MAP2K5: variants seen among roughly 807,000 people sequenced by gnomAD.
MAP2K5 encodes the protein mitogen-activated protein kinase kinase 5, also known as dual specificity mitogen-activated protein kinase kinase 5.
In MAP2K5, 49 loss-of-function variants were observed where a neutral mutation model predicts 83.1. The ratio of observed to expected loss-of-function variants is 0.59; its 90% CI spans 0.47 to 0.75. The LOEUF (loss-of-function observed/expected upper bound fraction) is 0.75. Among genes scored for constraint, MAP2K5 ranks in the 30% least tolerant of loss-of-function variants. The pLI, the probability that MAP2K5 is intolerant of heterozygous loss-of-function variation, is 0.00. For synonymous variants in MAP2K5, 202 were observed against 191.8 expected, an observed-to-expected ratio of 1.05 and a Z score of -0.44; for missense variants, 457 against 557.5, an observed-to-expected ratio of 0.82 and a Z score of 1.82.
rs2141213885 is a variant in MAP2K5, at chr15:67,702,002, G to A, written c.973-1335G>A. ...TGAACAAGTCACTTACTAAGCCTCA[G>A]TTTTTACATTTGTAAACTGAGGGCA... is the stretch of plus-strand genomic sequence containing the variant. On this transcript the variant is annotated intron_variant, in intron 15 of 21. Transcript: ENST00000178640. The surrounding 1 kb of genome is among the most constrained non-coding windows in gnomAD (Gnocchi z 4.6). Among the ~76,000 whole-genome samples, 1 of 152,302 alleles carries A rather than the reference G, an allele frequency of 6.6e-6. No individual in the cohort carries two copies. The highest frequency in any genetic ancestry group is 1.9e-4 in the East Asian group (1 of 5,182).
intron 17 of MAP2K5, among the ~76,000 whole-genome samples, chr15:67,735,237 A>G (rs2089313128): frequency 1.3e-5 from 2 of 152,238 alleles, no homozygotes; most frequent in African/African-American, 4.8e-5. Context: ...TGTCCTTAAA[A>G]TAGAGCAGAA....
chr15:67,544,497 A>G (rs2084354429), intron 1 of MAP2K5, among the ~76,000 whole-genome samples: 1 of 152,198 alleles, frequency 6.6e-6, no homozygotes, highest in Admixed American at 6.5e-5. Flanking sequence ...CAAAGCTGTG[A>G]GCTCCTGAGT....
At chr15:67,792,091 A>C (rs2090528352) in intron 21 of MAP2K5, among the ~76,000 whole-genome samples, 1 of 152,176 alleles carries the variant, frequency 6.6e-6, no homozygotes, top group Admixed American at 6.5e-5. Context: ...CAATGTGGAC[A>C]GTATTGCTTA....
intron 19 of MAP2K5, among the ~76,000 whole-genome samples, chr15:67,753,670 T>TA (rs148037370): frequency 0.021 from 3,094 of 147,710 alleles, 51 homozygotes; most frequent in African/African-American, 0.047. Flanking sequence ...TGGCTGTAAT[T>TA]AAAAAAAAAA....
chr15:67,762,614 A>G (rs2089971104), intron 19 of MAP2K5, among the ~76,000 whole-genome samples: 1 of 151,782 alleles, frequency 6.6e-6, no homozygotes, highest in Admixed American at 6.6e-5. Context: ...CCATTTTGAC[A>G]TTAATGACAA....
At chr15:67,718,616 TAGCC>T (rs1228321316) in intron 16 of MAP2K5, among the ~76,000 whole-genome samples, 2 of 152,004 alleles carry the variant, frequency 1.3e-5, no homozygotes. Context: ...ATACAAAAAT[TAGCC>T]AGGCGTGGTG....
At position 67,780,701 on chromosome 15, in the gene MAP2K5, T is replaced by A. The variant is rs2090314996; in HGVS notation, c.1242+7949T>A. ...TCCTGCTAGGAGAGGTCATCTAGGT[T>A]AGAAAATTTGGTGCCAAAATAATAA... is the stretch of plus-strand genomic sequence containing the variant. On this transcript the variant is annotated intron_variant, in intron 21 of 21. Coordinates refer to ENST00000178640, the MANE Select transcript of MAP2K5 (RefSeq NM_145160.3). The surrounding 1 kb of genome is among the most constrained non-coding windows in gnomAD (Gnocchi z 5.0). Among the ~76,000 whole-genome samples, 1 of 152,224 alleles carries A rather than the reference T, an allele frequency of 6.6e-6. No individual in the cohort carries two copies. The highest frequency in any genetic ancestry group is 2.4e-5 in the African/African-American group (1 of 41,458).
chr15:67,591,866 C>T (rs1386638219), intron 6 of MAP2K5, among the ~76,000 whole-genome samples: 1 of 151,740 alleles, frequency 6.6e-6, no homozygotes, highest in East Asian at 2.0e-4. Flanking sequence ...AATCCCAGCA[C>T]TTTGGGAGGC....
At chr15:67,648,869 G>A (rs2086894470) in intron 11 of MAP2K5, among the ~76,000 whole-genome samples, 1 of 152,142 alleles carries the variant, frequency 6.6e-6, no homozygotes. Flanking sequence ...GTGAGCCACT[G>A]CACCCGGTCA....
intron 13 of MAP2K5, among the ~76,000 whole-genome samples, chr15:67,679,134 C>T (rs1043768230): frequency 3.3e-5 from 5 of 152,154 alleles, no homozygotes; most frequent in African/African-American, 1.2e-4. Flanking sequence ...CCACCCTGAC[C>T]CCTGATTGTG....
chr15:67,751,253 G>A (rs2089712322), intron 19 of MAP2K5, among the ~76,000 whole-genome samples: 1 of 152,122 alleles, frequency 6.6e-6, no homozygotes, highest in South Asian at 2.1e-4. Context: ...CAGGACCTGG[G>A]AGGGTGGCCA....
intron 20 of MAP2K5, among the ~76,000 whole-genome samples, chr15:67,772,172 C>T (rs565659158): frequency 6.6e-6 from 1 of 152,218 alleles, no homozygotes; most frequent in Non-Finnish European, 1.5e-5. Context: ...TATAGCAACA[C>T]ACTTCTAATT....
chr15:67,694,644 C>A (rs1296377774), intron 15 of MAP2K5, among the ~76,000 whole-genome samples: 1 of 152,082 alleles, frequency 6.6e-6, no homozygotes, highest in Non-Finnish European at 1.5e-5. Flanking sequence ...AATAGGAACA[C>A]TTTTACACTG....
intron 13 of MAP2K5, among the ~76,000 whole-genome samples, chr15:67,673,853 T>C (rs2141171540): frequency 6.6e-6 from 1 of 152,168 alleles, no homozygotes; most frequent in East Asian, 1.9e-4. Flanking sequence ...TTTTGTTTGT[T>C]TGTTTATTTT....
intron 9 of MAP2K5, among the ~76,000 whole-genome samples, chr15:67,635,655 T>C (rs2086587366): frequency 6.6e-6 from 1 of 152,154 alleles, no homozygotes; most frequent in Non-Finnish European, 1.5e-5. Flanking sequence ...GTGGGTCTTT[T>C]GGTATTCTTT....
chr15:67,557,159 A>C (rs1159549667), intron 2 of MAP2K5, among the ~76,000 whole-genome samples: 1 of 152,216 alleles, frequency 6.6e-6, no homozygotes, highest in Admixed American at 6.5e-5. Flanking sequence ...ATGAGGTGAT[A>C]AAAATCAACC....
At chr15:67,603,814 T>C (rs1316399403) in intron 8 of MAP2K5, among the ~76,000 whole-genome samples, 1 of 152,222 alleles carries the variant, frequency 6.6e-6, no homozygotes, top group African/African-American at 2.4e-5. Flanking sequence ...ATAAAAAATA[T>C]GGTTTTTCAA....
rs577201347 is a variant in MAP2K5, at chr15:67,738,139, A to T, written c.1075-10092A>T. On this transcript the variant is annotated intron_variant, in intron 17 of 21. Coordinates refer to ENST00000178640, the MANE Select transcript of MAP2K5 (RefSeq NM_145160.3). The surrounding 1 kb of genome is among the most constrained non-coding windows in gnomAD (Gnocchi z 4.1). Reference sequence around the variant, plus strand: ...AGTACTGGGATTACAGGCGTGAGCCACTGCACTTGGCCTAGAATAGTCTTA... The same window carrying T: ...AGTACTGGGATTACAGGCGTGAGCCTCTGCACTTGGCCTAGAATAGTCTTA... Among the ~76,000 whole-genome samples, 2 of 152,284 alleles carry T rather than the reference A, an allele frequency of 1.3e-5. No homozygotes were observed. The highest frequency in any genetic ancestry group is 3.9e-4 in the East Asian group (2 of 5,174).
In MAP2K5 at chr15:67,628,896, GAT is replaced by G. The variant is rs1444535187; in HGVS notation, c.546-1991_546-1990del. On this transcript the variant is annotated intron_variant, in intron 8 of 21. Transcript: ENST00000178640. ...GGTGGATATGGCGGCAGTGGGGATG[GAT>G]GGCTATAATGGATTTAGTAATAATG... is the stretch of plus-strand genomic sequence containing the variant. 209 of 750,602 alleles carry G rather than the reference GAT, an allele frequency of 2.8e-4. No homozygotes were observed. The East Asian group carries it at 4.9e-3, about 18-fold the overall frequency. The allele number at this position is 750,602 out of a possible 1,614,324, so 46.5% of individuals were successfully genotyped here.
Sources: gnomAD v4.1 joint callset for allele counts (sites outside exome capture counted in the v4.1 genomes callset) on GRCh38, gnomAD v4.1.1 for gene constraint, Gnocchi (gnomAD v3.1) non-coding constraint, MANE v1.5 for transcripts, NCBI Gene and HGNC (gene_info 2026-07-23, HGNC 2026-07-21) for gene names.